ACLY: variants seen among roughly 807,000 people sequenced by gnomAD.
The protein encoded by ACLY is ATP-citrate synthase.
In ACLY, 41 loss-of-function variants were observed where a neutral mutation model predicts 133.0. The observed-to-expected ratio is 0.31, with a 90% CI of 0.24 to 0.40. The LOEUF (loss-of-function observed/expected upper bound fraction) is 0.40. Ranked by LOEUF, ACLY falls within the 10% of genes least tolerant of loss-of-function variation. ACLY has a pLI of 1.00. For synonymous variants in ACLY, 495 were observed against 549.3 expected (o/e 0.90, Z 1.38); for missense variants, 1,046 against 1,453.8 (o/e 0.72, Z 4.56).
rs2144396253 is a variant in ACLY, at chr17:41,909,669, G to A, written c.377C>T (p.Thr126Ile). Residue 126 changes from threonine to isoleucine, a missense_variant, in exon 5 of 29, where the codon ACC (threonine) becomes ATC (isoleucine). Physicochemically the swap from Thr to Ile is moderately conservative, Grantham distance 89. Around this residue, in one of 4 missense-constraint regions of ACLY, gnomAD observed 227 missense variants for 245.6 expected, o/e 0.92. Transcript: ENST00000352035. ...GAACAGGACGTAGTCCCCTTCTCGG[G>A]TGGCATAGATGCAGACATAGAACTC... ...AEEFYVCIYATREGDYVLFHH... is the reference protein window; with the variant it reads ...AEEFYVCIYAIREGDYVLFHH... 2 of 1,614,150 alleles carry A rather than the reference G, an allele frequency of 1.2e-6. No homozygotes were observed. Among genetic ancestry groups the A allele is most frequent in the Non-Finnish European group, 1.7e-6 (2 of 1,180,016 alleles).
At chr17:41,901,890 T>G in intron 10 of ACLY, 77 bp from the exon 11 acceptor site, 1 of 1,148,130 alleles carries the variant, frequency 8.7e-7, no homozygotes, top group Non-Finnish European at 1.3e-6. Flanking sequence ...TAAACAAACA[T>G]ACCAGGTATA....
At chr17:41,904,918 G>A (rs2049665792) in intron 9 of ACLY, 128 bp from the exon 10 acceptor site, 2 of 820,442 alleles carry the variant, frequency 2.4e-6, no homozygotes, top group Non-Finnish European at 4.1e-6. Flanking sequence ...AGGTACTGGG[G>A]AGTGAGTAGG....
intron 7 of ACLY, 100 bp downstream of exon 7, chr17:41,907,342 A>G: frequency 4.3e-6 from 5 of 1,164,896 alleles, no homozygotes; most frequent in Non-Finnish European, 4.8e-6. Context: ...TTCCCTGCCA[A>G]ATAAACAGCT....
intron 9 of ACLY, among the ~76,000 whole-genome samples, chr17:41,905,140 G>A (rs2049673482): frequency 6.6e-6 from 1 of 152,188 alleles, no homozygotes; most frequent in East Asian, 1.9e-4. Flanking sequence ...AACACAGGTG[G>A]TAAAGGGGCA....
chr17:41,916,675 C>T (rs2050060806), intron 1 of ACLY, among the ~76,000 whole-genome samples: 1 of 147,650 alleles, frequency 6.8e-6, no homozygotes, highest in South Asian at 2.2e-4. Flanking sequence ...CACGCCCGGC[C>T]TTCAGTGAGG....
At chr17:41,913,932 G>A (rs2049978303) in intron 1 of ACLY, 36 bp from the exon 2 acceptor site, 3 of 1,598,724 alleles carry the variant, frequency 1.9e-6, no homozygotes, top group Non-Finnish European at 2.6e-6. Context: ...GAAGGGGGCA[G>A]GCGTGTGGAG....
At chr17:41,879,927 G>A (rs1332348139) in intron 20 of ACLY, among the ~76,000 whole-genome samples, 4 of 151,760 alleles carry the variant, frequency 2.6e-5, no homozygotes, top group Non-Finnish European at 2.9e-5. Flanking sequence ...ACAGGGTTTC[G>A]CCATGTGGTC....
intron 15 of ACLY, 110 bp from the exon 16 acceptor site, chr17:41,892,557 C>A: frequency 1.0e-6 from 1 of 991,388 alleles, no homozygotes; most frequent in South Asian, 1.6e-5. Context: ...ATGGTCTGTG[C>A]CCTCAAAGAA....
intron 20 of ACLY, among the ~76,000 whole-genome samples, chr17:41,879,347 C>T (rs2048844203): frequency 6.6e-6 from 1 of 151,322 alleles, no homozygotes; most frequent in African/African-American, 2.4e-5. Flanking sequence ...CTCAGGTGAT[C>T]CACCAGCCTC....
chr17:41,898,099 T>C (rs2049424798), intron 12 of ACLY, among the ~76,000 whole-genome samples: 1 of 152,106 alleles, frequency 6.6e-6, no homozygotes. Context: ...AGTAACGATT[T>C]TTAAGTTTTT....
chr17:41,871,728 T>C lies in ACLY; in HGVS notation c.2898A>G (p.Glu966=), dbSNP rs2048603356. 5.0e-6 allele frequency: 8 copies of C among 1,614,132 alleles called. No individual in the cohort carries two copies. The highest frequency in any genetic ancestry group is 6.8e-6 in the Non-Finnish European group (8 of 1,180,016). ...GACCAATGCCCATGATCAGCTTCCC[T>C]TCCTTCTTCATCTTGTTCACAAACT... ...PMEFVNKMKK[E]GKLIMGIGHR... The change falls in exon 25 of 29, where the codon GAA becomes GAG. Residue 966 remains glutamate (E), a synonymous_variant. Coordinates refer to ENST00000352035, the MANE Select transcript of ACLY (RefSeq NM_001096.3).
At chr17:41,927,825 C>CAA (rs879961497) in intron 1 of ACLY, among the ~76,000 whole-genome samples, 2 of 126,826 alleles carry the variant, frequency 1.6e-5, no homozygotes, top group Non-Finnish European at 3.4e-5. Flanking sequence ...GACTCCATCT[C>CAA]AAAAAAAAAA....
chr17:41,874,121 G>T (rs1257731755), intron 22 of ACLY, among the ~76,000 whole-genome samples, 156 bp from the exon 23 acceptor site: 1 of 152,240 alleles, frequency 6.6e-6, no homozygotes, highest in Non-Finnish European at 1.5e-5. Flanking sequence ...TCCCAAGAAA[G>T]AAGTGCAAAA....
At chr17:41,872,449 C>T (rs2048621442) in intron 23 of ACLY, among the ~76,000 whole-genome samples, 1 of 152,182 alleles carries the variant, frequency 6.6e-6, no homozygotes, top group African/African-American at 2.4e-5. Flanking sequence ...CCTCAACCTC[C>T]CAAGTAGCTG....
intron 17 of ACLY, 68 bp downstream of exon 17, chr17:41,887,531 C>T: frequency 1.5e-6 from 2 of 1,361,606 alleles, no homozygotes; most frequent in Non-Finnish European, 2.1e-6. Flanking sequence ...AAAAAGTAAA[C>T]TTCCTAAGGG....
At chr17:41,915,681 C>T (rs1385032799) in intron 1 of ACLY, among the ~76,000 whole-genome samples, 1 of 152,184 alleles carries the variant, frequency 6.6e-6, no homozygotes, top group Non-Finnish European at 1.5e-5. Context: ...GTATGAGTTT[C>T]CAGAGACGTC....
chr17:41,900,383 A>G (rs1354873755), intron 11 of ACLY, among the ~76,000 whole-genome samples: 2 of 31,146 alleles, frequency 6.4e-5, no homozygotes, highest in African/African-American at 1.3e-4. Flanking sequence ...AAAAAGAAAA[A>G]AAAGAAAAAA....
rs2049972000 is a variant in ACLY, at chr17:41,913,760, T to C, written c.114A>G (p.Thr38=). 1.9e-6 allele frequency: 3 copies of C among 1,614,242 alleles called. No individual in the cohort carries two copies. The highest frequency in any genetic ancestry group is 2.5e-6 in the Non-Finnish European group (3 of 1,180,042). Residue 38 remains threonine (T), a synonymous_variant, in exon 2 of 29, where the codon ACA becomes ACG. Coordinates refer to ENST00000352035, the MANE Select transcript of ACLY (RefSeq NM_001096.3). ...RFKYARVTPD[T]DWARLLQDHP... ...GGTCCTGCAGCAAGCGGGCCCAGTC[T>C]GTGTCAGGAGTGACCCGAGCATACT...
intron 4 of ACLY, 33 bp downstream of exon 4, chr17:41,910,189 A>C: frequency 6.2e-7 from 1 of 1,604,592 alleles, no homozygotes; most frequent in Non-Finnish European, 8.5e-7. Context: ...TCCAGGAGGG[A>C]GAAGACCCAG....
Sources: gnomAD v4.1 joint callset for allele counts (sites outside exome capture counted in the v4.1 genomes callset) on GRCh38, gnomAD v4.1.1 for gene constraint, gnomAD v4.1.1 regional missense constraint, MANE v1.5 for transcripts, NCBI Gene and HGNC (gene_info 2026-07-23, HGNC 2026-07-21) for gene names.